The following ZBTB16 variants were observed in gnomAD, a reference collection of about 807,000 sequenced individuals.
ZBTB16 encodes the protein zinc finger and BTB domain-containing protein 16.
ZBTB16 carries 8 observed loss-of-function variants against 56.8 expected under a neutral mutation model. That is an observed-to-expected ratio of 0.14 (90% CI 0.08 to 0.25). The LOEUF (loss-of-function observed/expected upper bound fraction) is 0.25, where lower values mean the gene tolerates loss of function less well. Ranked by LOEUF, ZBTB16 falls within the 10% of genes least tolerant of loss-of-function variation. The pLI is 1.00. For missense variants in ZBTB16, 625 were observed against 903.0 expected, an observed-to-expected ratio of 0.69 and a Z score of 3.95; for synonymous variants, 363 against 368.5, an observed-to-expected ratio of 0.98 and a Z score of 0.17.
At chr11:114,199,387 C>G (rs1477522760) in intron 4 of ZBTB16, among the ~76,000 whole-genome samples, 1 of 151,800 alleles carries the variant, frequency 6.6e-6, no homozygotes, top group Non-Finnish European at 1.5e-5. Context: ...GCCGCTGGGC[C>G]CCGGGACGGG....
intron 6 of ZBTB16, among the ~76,000 whole-genome samples, chr11:114,248,528 G>A (rs1436699393): frequency 2.0e-5 from 3 of 152,202 alleles, no homozygotes; most frequent in African/African-American, 7.2e-5. Context: ...AAGGGTGAGA[G>A]GTGGTGGAAG....
rs566409720 is a variant in ZBTB16 at position 114,175,517 on chromosome 11, C to A, written c.1367-11435C>A. Among the ~76,000 whole-genome samples the A allele has an allele frequency of 5.4e-4, 81 of 151,276 alleles. 1 individual carries two copies. Among genetic ancestry groups the A allele is most frequent in the Non-Finnish European group, 8.7e-4 (59 of 67,882 alleles). On this transcript the variant is annotated intron_variant, in intron 3 of 6. Transcript: ENST00000335953. ...TGTTGCCCAGGCTGGAGTGCAGTGG[C>A]GTGATTTCAGCTCAACGCAACCTCC...
chr11:114,116,525 T>C (rs1216040938), intron 2 of ZBTB16, among the ~76,000 whole-genome samples: 1 of 152,214 alleles, frequency 6.6e-6, no homozygotes, highest in African/African-American at 2.4e-5. Flanking sequence ...ATTGCGTCAT[T>C]GCATCGTCAT....
At chr11:114,223,265 A>G (rs1442473588) in intron 4 of ZBTB16, among the ~76,000 whole-genome samples, 1 of 152,234 alleles carries the variant, frequency 6.6e-6, no homozygotes, top group East Asian at 1.9e-4. Flanking sequence ...CCAAACCCAC[A>G]AAAGCCTATG....
rs772726690 is a variant in ZBTB16, at chr11:114,256,157, C to T, written c.*5602C>T. On this transcript the variant is annotated 3_prime_UTR_variant, in exon 7 of 7. Coordinates refer to ENST00000335953, the MANE Select transcript of ZBTB16 (RefSeq NM_006006.6). ...GACTTATCTATGTGTCACTTTTATG[C>T]CACATTTACAAGGCACAGATGCACT... 6.6e-6 allele frequency among the ~76,000 whole-genome samples: 1 copy of T among 151,760 alleles called. No homozygotes were observed. The highest frequency in any genetic ancestry group is 1.5e-5 in the Non-Finnish European group (1 of 67,984).
At chr11:114,184,847 A>G (rs369340800) in intron 3 of ZBTB16, among the ~76,000 whole-genome samples, 6 of 152,230 alleles carry the variant, frequency 3.9e-5, no homozygotes, top group South Asian at 4.1e-4. Flanking sequence ...CGAGGCTCCA[A>G]TACAAAACTA....
chr11:114,063,636 G>A lies in ZBTB16; in HGVS notation c.336G>A (p.Glu112=), dbSNP rs1938974807. 2 of 1,614,172 alleles carry A rather than the reference G, an allele frequency of 1.2e-6. No individual in the cohort carries two copies. Among genetic ancestry groups the A allele is most frequent in the Non-Finnish European group, 1.7e-6 (2 of 1,180,040 alleles). Residue 112 remains glutamate, a synonymous_variant, in exon 2 of 7, where the codon GAG becomes GAA. Coordinates refer to ENST00000335953, the MANE Select transcript of ZBTB16 (RefSeq NM_006006.6). This position sits in a 1 kb window ranked among gnomAD's most constrained non-coding sequence, Gnocchi z 6.5. ...LLYAAEILEI[E]YLEEQCLKML... ...ATGCGGCCGAGATCCTGGAGATCGA[G>A]TACCTGGAGGAACAGTGCCTGAAGA... is the stretch of plus-strand genomic sequence containing the variant.
At chr11:114,146,685 A>T (rs1942114373) in intron 2 of ZBTB16, among the ~76,000 whole-genome samples, 1 of 151,980 alleles carries the variant, frequency 6.6e-6, no homozygotes, top group Non-Finnish European at 1.5e-5. Context: ...CGCTCTACTA[A>T]AAATTAAAAA....
chr11:114,159,898 G>A (rs1329092939), intron 3 of ZBTB16, among the ~76,000 whole-genome samples: 4 of 137,554 alleles, frequency 2.9e-5, no homozygotes, highest in East Asian at 4.5e-4. Flanking sequence ...CCACAGCCTG[G>A]AAGAACAGTA....
At chr11:114,240,238 G>A (rs1270258288) in intron 4 of ZBTB16, among the ~76,000 whole-genome samples, 1 of 152,220 alleles carries the variant, frequency 6.6e-6, no homozygotes, top group Non-Finnish European at 1.5e-5. Context: ...GGGACAGTGA[G>A]AGGTGGGCCT....
At chr11:114,133,639 G>T (rs964796554) in intron 2 of ZBTB16, among the ~76,000 whole-genome samples, 11 of 152,122 alleles carry the variant, frequency 7.2e-5, no homozygotes, top group African/African-American at 2.7e-4. Flanking sequence ...CACGCATAAG[G>T]CAGGAAAATT....
intron 3 of ZBTB16, among the ~76,000 whole-genome samples, chr11:114,184,927 A>G (rs1258845796): frequency 6.6e-6 from 1 of 152,172 alleles, no homozygotes; most frequent in Non-Finnish European, 1.5e-5. Flanking sequence ...ATCCCCCAGC[A>G]CTTTGGGAGA....
intron 4 of ZBTB16, among the ~76,000 whole-genome samples, chr11:114,199,795 G>A (rs541230966): frequency 1.3e-5 from 2 of 152,240 alleles, no homozygotes; most frequent in East Asian, 1.9e-4. Context: ...TGTAAACTAC[G>A]ATTAATAATC....
intron 2 of ZBTB16, among the ~76,000 whole-genome samples, chr11:114,138,899 CAG>C (rs769351916): frequency 3.2e-4 from 49 of 152,148 alleles, no homozygotes; most frequent in Non-Finnish European, 5.0e-4. Context: ...CCATGTTGGC[CAG>C]GCTGGTCTCG....
At chr11:114,110,841 T>G (rs898435763) in intron 2 of ZBTB16, among the ~76,000 whole-genome samples, 4 of 152,218 alleles carry the variant, frequency 2.6e-5, no homozygotes, top group African/African-American at 9.6e-5. Context: ...GAAGTTGGGT[T>G]AAAGTTTTCT....
intron 2 of ZBTB16, among the ~76,000 whole-genome samples, chr11:114,071,392 A>G (rs1354336438): frequency 6.6e-6 from 1 of 152,162 alleles, no homozygotes; most frequent in Admixed American, 6.5e-5. Context: ...CTCAGTGAGA[A>G]GTCCCATTTT....
At chr11:114,209,324 G>T in intron 4 of ZBTB16, 1 of 949,028 alleles carries the variant, frequency 1.1e-6, no homozygotes, top group Non-Finnish European at 1.3e-6. Context: ...GCATGTGTAT[G>T]TAGGCTGTTA....
At position 114,059,942 on chromosome 11, in the gene ZBTB16, C is replaced by A. The variant is rs1194609721; in HGVS notation, c.-91+60C>A. 2 of 394,344 alleles carry A rather than the reference C, an allele frequency of 5.1e-6. No homozygotes were observed. Among genetic ancestry groups the A allele is most frequent in the South Asian group, 1.4e-4 (1 of 7,270 alleles). 24.4% of individuals were successfully genotyped at this position (394,344 alleles called of 1,614,324 possible). ...GCGAGCGCCGCGCGCCGGGGCTTCC[C>A]GGGGCTGGAGAGGTCTGGGGGGCGC... On this transcript the variant is annotated intron_variant, in intron 1 of 6. Transcript: ENST00000335953. The surrounding 1 kb of genome is among the most constrained non-coding windows in gnomAD (Gnocchi z 5.3).
chr11:114,094,523 G>T (rs1458079243), intron 2 of ZBTB16, among the ~76,000 whole-genome samples: 2 of 152,204 alleles, frequency 1.3e-5, no homozygotes, highest in Non-Finnish European at 2.9e-5. Context: ...CCAGCTTCTA[G>T]GGGATGGTGG....
Sources: allele counts gnomAD v4.1 joint callset (sites outside exome capture counted in the v4.1 genomes callset), GRCh38; gene constraint gnomAD v4.1.1; non-coding constraint Gnocchi (gnomAD v3.1); transcripts MANE v1.5; gene names NCBI Gene and HGNC (gene_info 2026-07-23, HGNC 2026-07-21).